PCP4: variants seen among roughly 807,000 people sequenced by gnomAD.
PCP4 encodes Purkinje cell protein 4, also known as calmodulin regulator protein PCP4.
PCP4 carries 8 observed loss-of-function variants against 10.0 expected under a neutral mutation model. That is an observed-to-expected ratio of 0.80 (90% CI 0.47 to 1.45). The LOEUF is 1.45. Ranked by LOEUF, PCP4 falls within the 40% of genes most tolerant of loss-of-function variation. PCP4 has a pLI of 0.00. For missense variants in PCP4, 54 were observed against 74.4 expected, an observed-to-expected ratio of 0.73 and a Z score of 1.01; for synonymous variants, 21 against 23.0, an observed-to-expected ratio of 0.91 and a Z score of 0.24.
At chr21:39,921,719 AG>A (rs1183540875) in intron 2 of PCP4, among the ~76,000 whole-genome samples, 1 of 152,196 alleles carries the variant, frequency 6.6e-6, no homozygotes, top group African/African-American at 2.4e-5. Context: ...CACAGCAAAA[AG>A]GTGGAGAGAG....
chr21:39,911,026 T>C (rs1416059567), intron 2 of PCP4, among the ~76,000 whole-genome samples: 1 of 152,202 alleles, frequency 6.6e-6, no homozygotes, highest in Non-Finnish European at 1.5e-5. Context: ...CTCTTTATGA[T>C]TCTGTGGCTG....
intron 2 of PCP4, among the ~76,000 whole-genome samples, chr21:39,913,830 G>A (rs1194461034): frequency 1.3e-5 from 2 of 152,204 alleles, no homozygotes; most frequent in Non-Finnish European, 2.9e-5. Flanking sequence ...GAATAGTCTT[G>A]TGCATTTAAG....
intron 1 of PCP4, among the ~76,000 whole-genome samples, chr21:39,885,674 C>T (rs2087397063): frequency 6.6e-6 from 1 of 152,210 alleles, no homozygotes; most frequent in Admixed American, 6.5e-5. Flanking sequence ...TCCCCTGTGC[C>T]CTGGGCATCC....
chr21:39,926,611 C>T (rs920017070), intron 2 of PCP4, among the ~76,000 whole-genome samples: 1 of 152,202 alleles, frequency 6.6e-6, no homozygotes, highest in African/African-American at 2.4e-5. Context: ...ACTCCCAGTG[C>T]TGTAGATGCT....
chr21:39,891,331 C>G (rs1601176765), intron 1 of PCP4, among the ~76,000 whole-genome samples: 1 of 152,282 alleles, frequency 6.6e-6, no homozygotes, highest in East Asian at 1.9e-4. Flanking sequence ...CATCTCCTGC[C>G]CACATCAATC....
At position 39,894,463 on chromosome 21, in the gene PCP4, T is replaced by G. The variant is rs150189710; in HGVS notation, c.10-4013T>G. ...AGTTCTCTAGATAATTCTAATAGCATATTTTCTACACCTGCATTAAATTGG... is the reference window on the plus strand; with the variant it reads ...AGTTCTCTAGATAATTCTAATAGCAGATTTTCTACACCTGCATTAAATTGG... On this transcript the variant is annotated intron_variant, in intron 1 of 2. Coordinates refer to ENST00000328619, the MANE Select transcript of PCP4 (RefSeq NM_006198.3). 1.6e-3 allele frequency among the ~76,000 whole-genome samples: 238 copies of G among 152,346 alleles called. 1 individual carries two copies. Among genetic ancestry groups the G allele is most frequent in the African/African-American group, 5.6e-3 (231 of 41,576 alleles).
intron 1 of PCP4, among the ~76,000 whole-genome samples, chr21:39,870,780 T>C (rs956771934): frequency 6.6e-6 from 1 of 152,210 alleles, no homozygotes; most frequent in East Asian, 1.9e-4. Context: ...CAGCTATTAA[T>C]TGGACTTGAG....
intron 1 of PCP4, among the ~76,000 whole-genome samples, chr21:39,897,417 A>G (rs1024745267): frequency 6.6e-6 from 1 of 151,194 alleles, no homozygotes; most frequent in Non-Finnish European, 1.5e-5. Context: ...TAGAGACTTT[A>G]TAAGCTTTTC....
At chr21:39,925,481 C>T (rs967183479) in intron 2 of PCP4, among the ~76,000 whole-genome samples, 7 of 152,216 alleles carry the variant, frequency 4.6e-5, no homozygotes, top group Non-Finnish European at 1.0e-4. Context: ...TGGAACAAGG[C>T]GGACAAAGTC....
chr21:39,889,772 C>T (rs1452210645), intron 1 of PCP4, among the ~76,000 whole-genome samples: 1 of 152,074 alleles, frequency 6.6e-6, no homozygotes, highest in African/African-American at 2.4e-5. Flanking sequence ...TAGAGGCATA[C>T]ATTCAGAAAA....
chr21:39,912,912 C>T (rs1452752154), intron 2 of PCP4, among the ~76,000 whole-genome samples: 7 of 152,120 alleles, frequency 4.6e-5, no homozygotes, highest in East Asian at 1.9e-4. Flanking sequence ...AACTATGTTG[C>T]GCAGGCTGGT....
intron 2 of PCP4, chr21:39,926,173 A>C (rs926075506): frequency 2.5e-6 from 1 of 393,434 alleles, no homozygotes; most frequent in African/African-American, 2.1e-5. Flanking sequence ...GTATACAGAA[A>C]AGTAGCGATT....
At chr21:39,919,606 G>A (rs185476760) in intron 2 of PCP4, among the ~76,000 whole-genome samples, 13 of 152,264 alleles carry the variant, frequency 8.5e-5, no homozygotes, top group African/African-American at 3.1e-4. Context: ...TATGAAGAGT[G>A]ATAAATATGT....
chr21:39,928,460 C>T (rs76429481), intron 2 of PCP4, among the ~76,000 whole-genome samples: 3 of 152,188 alleles, frequency 2.0e-5, no homozygotes, highest in Non-Finnish European at 2.9e-5. Flanking sequence ...TTCAGTCGAA[C>T]TGTGAAGGTC....
chr21:39,883,120 A>T (rs2087383658), intron 1 of PCP4, among the ~76,000 whole-genome samples: 1 of 16,222 alleles, frequency 6.2e-5, no homozygotes, highest in Non-Finnish European at 1.1e-4. Flanking sequence ...AGTGGGTTGG[A>T]TGGACAAGTA....
intron 1 of PCP4, among the ~76,000 whole-genome samples, chr21:39,879,838 T>C (rs776716382): frequency 3.9e-5 from 6 of 152,166 alleles, no homozygotes; most frequent in Non-Finnish European, 8.8e-5. Flanking sequence ...AGTGACATAA[T>C]TTGTGGCCCC....
chr21:39,916,568 A>T (rs761181317), intron 2 of PCP4, among the ~76,000 whole-genome samples: 2 of 152,224 alleles, frequency 1.3e-5, no homozygotes, highest in Non-Finnish European at 2.9e-5. Context: ...TTCCTCAAAG[A>T]TCTAGAAGCA....
chr21:39,903,979 C>T (rs753099294), intron 2 of PCP4, among the ~76,000 whole-genome samples: 53 of 151,822 alleles, frequency 3.5e-4, no homozygotes, highest in Non-Finnish European at 5.7e-4. Flanking sequence ...TTTCCTCTCC[C>T]TGTTTTAAAT....
chr21:39,903,501 C>G (rs1053239996), intron 2 of PCP4, among the ~76,000 whole-genome samples: 2 of 152,120 alleles, frequency 1.3e-5, no homozygotes, highest in South Asian at 4.1e-4. Flanking sequence ...ATACCTGTGC[C>G]CCTTCCTTGG....
Sources: allele counts gnomAD v4.1 joint callset (sites outside exome capture counted in the v4.1 genomes callset), GRCh38; gene constraint gnomAD v4.1.1; transcripts MANE v1.5; gene names NCBI Gene and HGNC (gene_info 2026-07-23, HGNC 2026-07-21).